Variants in FAM193A observed in about 807,000 individuals in gnomAD.
FAM193A encodes the protein protein FAM193A.
Under a neutral mutation model 126.5 loss-of-function variants are expected in FAM193A, and 22 were observed. That is an observed-to-expected ratio of 0.17 (90% CI 0.12 to 0.25). FAM193A has a LOEUF of 0.25. FAM193A is among the 10% of genes least tolerant of loss of function. The pLI is 1.00. For synonymous variants in FAM193A, 761 were observed against 646.8 expected (o/e 1.18, Z -2.68); for missense variants, 1,675 against 1,672.8 (o/e 1.00, Z -0.02).
At chr4:2,697,868 A>G (rs1717216613) in intron 18 of FAM193A, among the ~76,000 whole-genome samples, 1 of 152,144 alleles carries the variant, frequency 6.6e-6, no homozygotes, top group Non-Finnish European at 1.5e-5. Context: ...CGATGGTCCA[A>G]GGCCCTGAGA....
intron 1 of FAM193A, among the ~76,000 whole-genome samples, chr4:2,586,797 G>T (rs1015227572): frequency 6.6e-6 from 1 of 152,082 alleles, no homozygotes; most frequent in African/African-American, 2.4e-5. Context: ...GGGACTACAG[G>T]TGCATGCCAC....
chr4:2,573,497 A>G (rs1473806084), intron 1 of FAM193A, among the ~76,000 whole-genome samples: 2 of 145,096 alleles, frequency 1.4e-5, no homozygotes, highest in South Asian at 2.1e-4. Flanking sequence ...TCAGCGACAG[A>G]GTGAAACTCT....
intron 20 of FAM193A, among the ~76,000 whole-genome samples, chr4:2,726,958 A>C (rs1179651802): frequency 4.4e-5 from 6 of 137,554 alleles, no homozygotes; most frequent in African/African-American, 2.0e-4. Flanking sequence ...CCCAAAAAAA[A>C]AAAAAAAAAA....
chr4:2,648,394 T>C (rs533019121), intron 7 of FAM193A, among the ~76,000 whole-genome samples: 1 of 152,338 alleles, frequency 6.6e-6, no homozygotes, highest in East Asian at 1.9e-4. Flanking sequence ...GGAGACTCCC[T>C]CTGTGTCCTG....
intron 1 of FAM193A, among the ~76,000 whole-genome samples, chr4:2,576,392 C>G (rs1739590882): frequency 6.6e-6 from 1 of 152,212 alleles, no homozygotes; most frequent in Non-Finnish European, 1.5e-5. Flanking sequence ...GCCACTGTGC[C>G]TGGAACACCC....
In FAM193A at chr4:2,700,255, A is replaced by G; in HGVS notation, c.4083A>G (p.Thr1361=). The G allele has an allele frequency of 6.2e-7, 1 of 1,614,102 alleles. No homozygotes were observed. ...ARRPTEPPKA[T]EGQSKPRAQT... ...GGCCCACAGAGCCCCCCAAGGCCAC[A>G]GAGGGGCAGTCCAAGCCCCGGGCCC... Residue 1361 remains threonine, a synonymous_variant, in exon 19 of 21, where the codon ACA becomes ACG. Transcript: ENST00000637812.
chr4:2,644,816 A>G (rs1269236961), intron 6 of FAM193A, among the ~76,000 whole-genome samples: 2 of 152,220 alleles, frequency 1.3e-5, no homozygotes, highest in Non-Finnish European at 2.9e-5. Flanking sequence ...TAATTTCCAC[A>G]TAGCTTGTTT....
intron 7 of FAM193A, among the ~76,000 whole-genome samples, chr4:2,650,370 C>A (rs370239691): frequency 6.6e-6 from 1 of 152,158 alleles, no homozygotes; most frequent in Non-Finnish European, 1.5e-5. Context: ...AGATCTCAGG[C>A]CATCAGTAGA....
intron 12 of FAM193A, among the ~76,000 whole-genome samples, chr4:2,671,062 C>T (rs1023425007): frequency 6.6e-6 from 1 of 152,174 alleles, no homozygotes; most frequent in African/African-American, 2.4e-5. Flanking sequence ...AGAGGTTGCC[C>T]ATGCACCTTG....
At chr4:2,629,219 C>CAAA (rs150200524) in intron 4 of FAM193A, among the ~76,000 whole-genome samples, 71 of 135,852 alleles carry the variant, frequency 5.2e-4, no homozygotes, top group South Asian at 2.0e-3. Flanking sequence ...CAGAAATAGA[C>CAAA]AAAAAAAAAA....
chr4:2,706,915 GT>G (rs140348169), intron 19 of FAM193A, among the ~76,000 whole-genome samples: 37,615 of 151,624 alleles, frequency 0.25, 5,095 homozygotes, highest in Middle Eastern at 0.37. Context: ...GAGGTCAGGA[GT>G]TCGAGATCAG....
At chr4:2,666,673 T>G (rs1235734173) in intron 12 of FAM193A, among the ~76,000 whole-genome samples, 3 of 152,220 alleles carry the variant, frequency 2.0e-5, no homozygotes, top group Non-Finnish European at 4.4e-5. Context: ...AATTACTAAT[T>G]CAAGTTTCAT....
At chr4:2,672,852 T>G (rs1313227935) in intron 13 of FAM193A, among the ~76,000 whole-genome samples, 1 of 152,176 alleles carries the variant, frequency 6.6e-6, no homozygotes, top group Non-Finnish European at 1.5e-5. Flanking sequence ...GGAAGAGCCC[T>G]AAGTGTGATG....
At chr4:2,624,144 G>A (rs182440543) in intron 2 of FAM193A, among the ~76,000 whole-genome samples, 12 of 152,182 alleles carry the variant, frequency 7.9e-5, no homozygotes, top group Middle Eastern at 3.4e-3. Context: ...TCCTTTTGGC[G>A]TGGGACATAG....
In FAM193A at chr4:2,659,640, C is replaced by A. The variant is rs1712164007; in HGVS notation, c.1472C>A (p.Pro491His). Residue 491 changes from proline (P) to histidine (H), a missense_variant, in exon 9 of 21, where the codon CCC becomes CAC. By Grantham distance (77) the Pro-to-His change is moderately conservative. Around this residue, in one of 4 missense-constraint regions of FAM193A, gnomAD observed 1,186 missense variants for 1,109.2 expected, o/e 1.07. Coordinates refer to ENST00000637812, the MANE Select transcript of FAM193A (RefSeq NM_001366318.2). ...ATGTTATCGTCCCGGCTGAGCATGC[C>A]CGACTGCCCCAACTGCAACTACAGG... The part of the protein sequence containing the change: ...RHMLSSRLSM[P>H]DCPNCNYRRR... 6.2e-7 allele frequency: 1 copy of A among 1,614,116 alleles called. No individual in the cohort carries two copies. Among genetic ancestry groups the A allele is most frequent in the Non-Finnish European group, 8.5e-7 (1 of 1,180,000 alleles).
intron 7 of FAM193A, among the ~76,000 whole-genome samples, chr4:2,654,162 A>G (rs1017250222): frequency 1.3e-5 from 2 of 152,202 alleles, no homozygotes; most frequent in African/African-American, 4.8e-5. Context: ...GAATACGTGT[A>G]AAATAATTGA....
At chr4:2,663,437 A>G (rs1712724812) in intron 12 of FAM193A, 149 bp downstream of exon 12, 4 of 599,904 alleles carry the variant, frequency 6.7e-6, no homozygotes, top group Non-Finnish European at 8.2e-6. Context: ...TACAATCTCC[A>G]TTTGAATCTT....
intron 12 of FAM193A, among the ~76,000 whole-genome samples, chr4:2,668,425 G>A (rs1032395575): frequency 4.0e-5 from 6 of 151,858 alleles, no homozygotes; most frequent in Admixed American, 6.6e-5. Flanking sequence ...CTTTGGCCAG[G>A]CTGGTCTCTA....
chr4:2,602,651 T>C (rs1036958854), intron 2 of FAM193A, among the ~76,000 whole-genome samples: 3 of 151,784 alleles, frequency 2.0e-5, no homozygotes, highest in Admixed American at 6.6e-5. Flanking sequence ...GGCCATGTTT[T>C]TCGTTTTGAT....
Sources: gnomAD v4.1 joint callset for allele counts (sites outside exome capture counted in the v4.1 genomes callset) on GRCh38, gnomAD v4.1.1 for gene constraint, gnomAD v4.1.1 regional missense constraint, MANE v1.5 for transcripts, NCBI Gene and HGNC (gene_info 2026-07-23, HGNC 2026-07-21) for gene names.